TIMP4: variants seen among roughly 807,000 people sequenced by gnomAD.
TIMP4 encodes the protein TIMP metallopeptidase inhibitor 4.
TIMP4 carries 28 observed loss-of-function variants against 27.3 expected under a neutral mutation model. The observed-to-expected ratio is 1.03, with a 90% CI of 0.76 to 1.41. The LOEUF is 1.41. Among genes scored for constraint, TIMP4 ranks in the 40% most tolerant of loss-of-function variants. The pLI is 0.00. For missense variants in TIMP4, 307 were observed against 285.5 expected (o/e 1.08, Z -0.54); for synonymous variants, 138 against 115.5 (o/e 1.20, Z -1.25).
chr3:12,158,733 G>A lies in TIMP4; in HGVS notation c.108C>T (p.His36=). 6.2e-7 allele frequency: 1 copy of A among 1,609,728 alleles called. No homozygotes were observed. Among genetic ancestry groups the A allele is most frequent in the Admixed American group, 1.7e-5 (1 of 59,990 alleles). Residue 36 remains histidine, a synonymous_variant, in exon 1 of 5, where the codon CAC becomes CAT. Coordinates refer to ENST00000287814, the MANE Select transcript of TIMP4 (RefSeq NM_003256.4). ...CCGAGTGGCAGATGTGCTGCTGAGG[G>A]TGCGCCGGGGCGCAGCTGCATGCCT... The part of the protein sequence containing the change: ...LGEACSCAPA[H]PQQHICHSAL...
At chr3:12,154,719 T>TAAAGTC (rs1323652233) in intron 3 of TIMP4, among the ~76,000 whole-genome samples, 2 of 152,234 alleles carry the variant, frequency 1.3e-5, no homozygotes, top group East Asian at 3.8e-4. Flanking sequence ...ATGTGGTCTT[T>TAAAGTC]AAAGTCAAAG....
At position 12,158,694 on chromosome 3, in the gene TIMP4, G is replaced by C; in HGVS notation, c.139+8C>G. On this transcript the variant is annotated splice_region_variant and intron_variant, in intron 1 of 4. Transcript: ENST00000287814. Reference sequence around the variant, plus strand: ...CCCTGCTGTGGACCTCGCGGACCTCGGACTCACCAAGTGCCGAGTGGCAGA... The same window carrying C: ...CCCTGCTGTGGACCTCGCGGACCTCCGACTCACCAAGTGCCGAGTGGCAGA... 1 of 1,609,918 alleles carries C rather than the reference G, an allele frequency of 6.2e-7. No homozygotes were observed. The highest frequency in any genetic ancestry group is 8.5e-7 in the Non-Finnish European group (1 of 1,179,566).
At position 12,158,458 on chromosome 3, in the gene TIMP4, C is replaced by T. The variant is rs111455722; in HGVS notation, c.139+244G>A. On this transcript the variant is annotated intron_variant, in intron 1 of 4. Transcript: ENST00000287814. ...TGACACTCCATAATTGCAGTATGGC[C>T]GGAGTGAGGGAGGTCGCTATGGAAG... is the stretch of plus-strand genomic sequence containing the variant. Among the ~76,000 whole-genome samples the T allele has an allele frequency of 4.9e-3, 741 of 152,222 alleles. 7 individuals are homozygous for T. The highest frequency in any genetic ancestry group is 0.017 in the African/African-American group (712 of 41,516).
chr3:12,158,889 GC>G lies in TIMP4; in HGVS notation c.-50del. ...CCTGTGAGGTCTGGGGGACTGGACG[GC>G]CCCAGCAGGGCTCCTTCCCAAGGCC... On this transcript the variant is annotated 5_prime_UTR_variant, in exon 1 of 5. Transcript: ENST00000287814. 5 of 1,476,606 alleles carry G rather than the reference GC, an allele frequency of 3.4e-6. No individual in the cohort carries two copies. Among genetic ancestry groups the G allele is most frequent in the Non-Finnish European group, 4.5e-6 (5 of 1,115,440 alleles). The allele number at this position is 1,476,606 out of a possible 1,614,324, so 91.5% of individuals were successfully genotyped here.
At position 12,153,522 on chromosome 3, in the gene TIMP4, T is replaced by G; in HGVS notation, c.668A>C (p.Gln223Pro). The G allele has an allele frequency of 6.2e-7, 1 of 1,613,344 alleles. No homozygotes were observed. The highest frequency in any genetic ancestry group is 8.5e-7 in the Non-Finnish European group (1 of 1,180,008). The change falls in exon 5 of 5, where the codon CAG becomes CCG. Residue 223 changes from glutamine (Q) to proline (P), a missense_variant. Physicochemically the swap from Gln to Pro is moderately conservative, Grantham distance 76. Coordinates refer to ENST00000287814, the MANE Select transcript of TIMP4 (RefSeq NM_003256.4). The part of the protein sequence containing the change: ...PLRKEFVDIV[Q>P]P ...GATGGTCACTGGTCCCTACTAGGGCTGAACGATGTCAACAAACTCCTTCCT... is the reference window on the plus strand; with the variant it reads ...GATGGTCACTGGTCCCTACTAGGGCGGAACGATGTCAACAAACTCCTTCCT...
chr3:12,158,901 C>T lies in TIMP4; in HGVS notation c.-61G>A, dbSNP rs1697551727. On this transcript the variant is annotated 5_prime_UTR_variant, in exon 1 of 5. Transcript: ENST00000287814. Reference sequence around the variant, plus strand: ...GGGGGACTGGACGGCCCCAGCAGGGCTCCTTCCCAAGGCCGTTGTGCCCCT... The same window carrying T: ...GGGGGACTGGACGGCCCCAGCAGGGTTCCTTCCCAAGGCCGTTGTGCCCCT... 4 of 1,458,774 alleles carry T rather than the reference C, an allele frequency of 2.7e-6. No individual in the cohort carries two copies. Among genetic ancestry groups the T allele is most frequent in the East Asian group, 2.6e-5 (1 of 39,078 alleles). The allele number at this position is 1,458,774 out of a possible 1,614,324, so 90.4% of individuals were successfully genotyped here.
intron 1 of TIMP4, 140 bp downstream of exon 1, chr3:12,158,562 C>T (rs1697529796): frequency 2.3e-6 from 3 of 1,290,466 alleles, no homozygotes; most frequent in South Asian, 2.8e-5. Flanking sequence ...TGGTCCTTCT[C>T]CACCCATCAG....
At chr3:12,158,532 T>C (rs1361595471) in intron 1 of TIMP4, 170 bp downstream of exon 1, 9 of 949,706 alleles carry the variant, frequency 9.5e-6, no homozygotes, top group African/African-American at 3.4e-5. Flanking sequence ...GTTCTGGGCT[T>C]GCAAGGTTGC....
At chr3:12,156,969 TCA>T (rs1697477396) in intron 2 of TIMP4, 35 bp from the exon 3 acceptor site, 1 of 1,468,114 alleles carries the variant, frequency 6.8e-7, no homozygotes, top group Non-Finnish European at 9.5e-7. Flanking sequence ...CAATATTGGG[TCA>T]GTGAGTGTAC....
chr3:12,155,280 A>C (rs1315758168), intron 3 of TIMP4, among the ~76,000 whole-genome samples: 1 of 152,266 alleles, frequency 6.6e-6, no homozygotes, highest in Non-Finnish European at 1.5e-5. Flanking sequence ...ATGGATAAGT[A>C]GGGAAAAATT....
In TIMP4 at chr3:12,158,771, G is replaced by T; in HGVS notation, c.70C>A (p.Pro24Thr). Residue 24 changes from proline to threonine, a missense_variant, in exon 1 of 5, where the codon CCG becomes ACG. By Grantham distance (38) the Pro-to-Thr change is conservative. Transcript: ENST00000287814. ...CAGCTGCATGCCTCACCCAGCCCCG[G>T]GGGCCGCAGCAACGCCAGCAGCCGC... is the stretch of plus-strand genomic sequence containing the variant. ...LLRLLALLRP[P>T]GLGEACSCAP... 7.5e-6 allele frequency: 12 copies of T among 1,605,830 alleles called. No homozygotes were observed. Among genetic ancestry groups the T allele is most frequent in the Non-Finnish European group, 1.0e-5 (12 of 1,178,812 alleles).
Position 12,153,182 on chromosome 3 carries a change from CT to C in TIMP4, c.*332del, listed in dbSNP as rs1209646018. The C allele has an allele frequency of 2.5e-6, 1 of 398,778 alleles. No homozygotes were observed. The highest frequency in any genetic ancestry group is 2.0e-5 in the African/African-American group (1 of 49,498). 24.7% of individuals were successfully genotyped at this position (398,778 alleles called of 1,614,324 possible). A position where few individuals can be genotyped will look rare whatever the true frequency, so the allele number is the denominator to read the frequency against. ...GTGTATGACATTCGCCATTTCTCCC[CT>C]ACCAGATCGATTAAGACAAAGGAAA... On this transcript the variant is annotated 3_prime_UTR_variant, in exon 5 of 5. Transcript: ENST00000287814.
chr3:12,158,165 G>T (rs148379323), intron 1 of TIMP4, among the ~76,000 whole-genome samples: 1 of 152,198 alleles, frequency 6.6e-6, no homozygotes, highest in Non-Finnish European at 1.5e-5. Flanking sequence ...GAGCCCGGGA[G>T]CCTGCAGAGA....
At position 12,153,572 on chromosome 3, in the gene TIMP4, G is replaced by C. The variant is rs202071287; in HGVS notation, c.618C>G (p.Ser206Arg). 1 of 1,614,082 alleles carries C rather than the reference G, an allele frequency of 6.2e-7. No homozygotes were observed. The highest frequency in any genetic ancestry group is 1.7e-5 in the Admixed American group (1 of 60,026). Residue 206 changes from serine to arginine, a missense_variant, in exon 5 of 5, where the codon AGC becomes AGG. Physicochemically the swap from Ser to Arg is moderately radical, Grantham distance 110. Coordinates refer to ENST00000287814, the MANE Select transcript of TIMP4 (RefSeq NM_003256.4). ...TGAGAGGCAGGTGGCCCCGGTACCA[G>C]CTGCAGGTGCCGTCAACATGCTTCA... Reference protein sequence around the residue: ...VCMKHVDGTCSWYRGHLPLRK... With the variant: ...VCMKHVDGTCRWYRGHLPLRK...
intron 3 of TIMP4, among the ~76,000 whole-genome samples, chr3:12,155,176 C>T (rs992137745): frequency 6.6e-6 from 1 of 152,184 alleles, no homozygotes; most frequent in South Asian, 2.1e-4. Flanking sequence ...CAATCATTTA[C>T]TCACTGAGTG....
Position 12,157,397 on chromosome 3 carries a change from G to C in TIMP4, c.225C>G (p.Ile75Met). 1.2e-6 allele frequency: 2 copies of C among 1,614,130 alleles called. No individual in the cohort carries two copies. Residue 75 changes from isoleucine (I) to methionine (M), a missense_variant, in exon 2 of 5, where the codon ATC becomes ATG. By Grantham distance (10) the Ile-to-Met change is conservative (BLOSUM62 1). Coordinates refer to ENST00000287814, the MANE Select transcript of TIMP4 (RefSeq NM_003256.4). ...TGCCCCCATGTACCTTTATCTGTTTGATTTCATACCGGAGCATTTTTTCAG... is the reference window on the plus strand; with the variant it reads ...TGCCCCCATGTACCTTTATCTGTTTCATTTCATACCGGAGCATTTTTTCAG... ...ADTEKMLRYE[I>M]KQIKMFKGFE...
Position 12,157,488 on chromosome 3 carries a change from T to C in TIMP4, c.140-6A>G, listed in dbSNP as rs1198810807. On this transcript the variant is annotated splice_polypyrimidine_tract_variant and splice_region_variant and intron_variant, in intron 1 of 4. Transcript: ENST00000287814. ...GGAGATTTTGGCCCGAATCACTGCA[T>C]AGGAAGAGAAAAGAGGGAACCTTCA... is the stretch of plus-strand genomic sequence containing the variant. 5.6e-6 allele frequency: 9 copies of C among 1,613,838 alleles called. No homozygotes were observed. Among genetic ancestry groups the C allele is most frequent in the Non-Finnish European group, 5.9e-6 (7 of 1,179,922 alleles).
Position 12,154,344 on chromosome 3 carries a change from G to C in TIMP4, c.460C>G (p.Leu154Val). ...TCCCTTACTTGGCAGCCACAGTTCA[G>C]ATGGTAGTGATGATTCAGACTTTCC... ...QRESLNHHYH[L>V]NCGCQITTCY... The change falls in exon 4 of 5, where the codon CTG becomes GTG. Residue 154 changes from leucine (L) to valine (V), a missense_variant. By Grantham distance (32) the Leu-to-Val change is conservative. Coordinates refer to ENST00000287814, the MANE Select transcript of TIMP4 (RefSeq NM_003256.4). The C allele has an allele frequency of 6.2e-7, 1 of 1,614,210 alleles. No individual in the cohort carries two copies. The highest frequency in any genetic ancestry group is 8.5e-7 in the Non-Finnish European group (1 of 1,180,026).
intron 3 of TIMP4, 35 bp from the exon 4 acceptor site, chr3:12,154,486 G>C: frequency 6.2e-7 from 1 of 1,609,394 alleles, no homozygotes; most frequent in Non-Finnish European, 8.5e-7. Context: ...CAAGCATCAG[G>C]ATTCTTCTCC....
Sources: gnomAD v4.1 joint callset for allele counts (sites outside exome capture counted in the v4.1 genomes callset) on GRCh38, gnomAD v4.1.1 for gene constraint, MANE v1.5 for transcripts, NCBI Gene and HGNC (gene_info 2026-07-23, HGNC 2026-07-21) for gene names.